Variants in PGRMC1 observed in about 807,000 individuals in gnomAD.
PGRMC1 encodes membrane-associated progesterone receptor component 1.
For synonymous variants in PGRMC1, 73 were observed against 77.3 expected, an observed-to-expected ratio of 0.94 and a Z score of 0.29; for missense variants, 145 against 169.0, an observed-to-expected ratio of 0.86 and a Z score of 0.79.
chrX:119,239,408 C>T (rs776248378), intron 1 of PGRMC1, among the ~76,000 whole-genome samples: 2 of 112,156 alleles, frequency 1.8e-5, no homozygotes, highest in Non-Finnish European at 3.8e-5. Context: ...AATGTCAGGG[C>T]TGCTATTCAA....
Position 119,243,362 on chromosome X carries a change from T to A in PGRMC1, c.*108T>A. ...ACAATATTTAGAAAGTTTTGAGCAC[T>A]TGCTATAAGTTTTTTAATTAACATC... On this transcript the variant is annotated 3_prime_UTR_variant, in exon 3 of 3. Coordinates refer to ENST00000217971, the MANE Select transcript of PGRMC1 (RefSeq NM_006667.5). 1 of 527,542 alleles carries A rather than the reference T, an allele frequency of 1.9e-6. No individual in the cohort carries two copies. The highest frequency in any genetic ancestry group is 3.4e-6 in the Non-Finnish European group (1 of 295,393). 43.5% of individuals were successfully genotyped at this position (527,542 alleles called of 1,213,427 possible).
chrX:119,242,410 AC>A (rs1348215371), intron 2 of PGRMC1, among the ~76,000 whole-genome samples: 2 of 110,479 alleles, frequency 1.8e-5, no homozygotes, highest in African/African-American at 3.3e-5. Context: ...TCCCCTGGAC[AC>A]CACCCTGCTC....
At position 119,243,637 on chromosome X, in the gene PGRMC1, A is replaced by G. The variant is rs1452416531; in HGVS notation, c.*383A>G. On this transcript the variant is annotated 3_prime_UTR_variant, in exon 3 of 3. Coordinates refer to ENST00000217971, the MANE Select transcript of PGRMC1 (RefSeq NM_006667.5). Reference sequence around the variant, plus strand: ...TCAACTTTTAGTCATGATGTTCTGTAAAGACAACAAATCCCTTTTTTTTTC... The same window carrying G: ...TCAACTTTTAGTCATGATGTTCTGTGAAGACAACAAATCCCTTTTTTTTTC... 7 of 188,361 alleles carry G rather than the reference A, an allele frequency of 3.7e-5. No individual in the cohort carries two copies. Among genetic ancestry groups the G allele is most frequent in the African/African-American group, 2.1e-4 (7 of 33,000 alleles). 15.5% of individuals were successfully genotyped at this position (188,361 alleles called of 1,213,427 possible). A position where few individuals can be genotyped will look rare whatever the true frequency, so the allele number is the denominator to read the frequency against.
chrX:119,237,120 G>C (rs916729670), intron 1 of PGRMC1, among the ~76,000 whole-genome samples: 3 of 110,790 alleles, frequency 2.7e-5, no homozygotes, highest in Non-Finnish European at 5.7e-5. Context: ...GGAAGGAAAT[G>C]AGGGTGTTCC....
intron 1 of PGRMC1, among the ~76,000 whole-genome samples, chrX:119,238,608 A>G (rs1320513764): frequency 1.8e-5 from 2 of 112,376 alleles, no homozygotes; most frequent in Non-Finnish European, 3.8e-5. Context: ...ACTGGGAGTC[A>G]GGCAACCTGC....
Position 119,243,231 on chromosome X carries a change from G to A in PGRMC1, c.565G>A (p.Glu189Lys), listed in dbSNP as rs373959887. 1.6e-5 allele frequency: 19 copies of A among 1,187,409 alleles called. No homozygotes were observed. The highest frequency in any genetic ancestry group is 2.1e-5 in the Non-Finnish European group (18 of 874,119). Residue 189 changes from glutamate (E) to lysine (K), a missense_variant, in exon 3 of 3, where the codon GAG (glutamate) becomes AAG (lysine). Physicochemically the swap from Glu to Lys is moderately conservative, Grantham distance 56. Transcript: ENST00000217971. Reference sequence around the variant, plus strand: ...CTCAGATGAGGAAGAACCAAAAGATGAGAGTGCCCGGAAAAATGATTAAAG... The same window carrying A: ...CTCAGATGAGGAAGAACCAAAAGATAAGAGTGCCCGGAAAAATGATTAAAG... Reference protein sequence around the residue: ...VYSDEEEPKDESARKND With the variant: ...VYSDEEEPKDKSARKND
intron 2 of PGRMC1, 57 bp downstream of exon 2, chrX:119,240,521 G>A: frequency 1.0e-6 from 1 of 1,003,915 alleles, no homozygotes; most frequent in East Asian, 3.0e-5. Context: ...GGGGATTCGT[G>A]GCAGGACAAT....
At chrX:119,241,270 T>G (rs1427227646) in intron 2 of PGRMC1, among the ~76,000 whole-genome samples, 1 of 112,453 alleles carries the variant, frequency 8.9e-6, no homozygotes, top group Non-Finnish European at 1.9e-5. Flanking sequence ...TATTACATGT[T>G]CTCTTGGCTA....
intron 1 of PGRMC1, among the ~76,000 whole-genome samples, chrX:119,238,753 A>G (rs753446793): frequency 2.7e-5 from 3 of 112,194 alleles, no homozygotes; most frequent in Non-Finnish European, 5.6e-5. Context: ...TTGCACTGTC[A>G]TTCAGTGAGC....
chrX:119,240,259 G>A, intron 1 of PGRMC1, 50 bp from the exon 2 acceptor site: 1 of 1,154,481 alleles, frequency 8.7e-7, no homozygotes, highest in Non-Finnish European at 1.2e-6. Context: ...ATAAATCACA[G>A]AGAAATTGAC....
chrX:119,243,514 A>G lies in PGRMC1; in HGVS notation c.*260A>G. The stretch of plus-strand genomic sequence containing the variant: ...TGTTTTTCTTCTATCTGTAGTTAGT[A>G]CAGGATGAATTTAAATGTGTTTTTC... On this transcript the variant is annotated 3_prime_UTR_variant, in exon 3 of 3. Transcript: ENST00000217971. 1 of 337,527 alleles carries G rather than the reference A, an allele frequency of 3.0e-6. No individual in the cohort carries two copies. The highest frequency in any genetic ancestry group is 5.2e-6 in the Non-Finnish European group (1 of 192,083). The allele number at this position is 337,527 out of a possible 1,213,427, so 27.8% of individuals were successfully genotyped here. A position where few individuals can be genotyped will look rare whatever the true frequency, so the allele number is the denominator to read the frequency against.
intron 2 of PGRMC1, among the ~76,000 whole-genome samples, chrX:119,240,901 A>AT (rs775258085): frequency 4.6e-4 from 52 of 112,135 alleles, no homozygotes; most frequent in Non-Finnish European, 7.9e-4. Flanking sequence ...TTTGAATCTA[A>AT]TTGAACCTAA....
At chrX:119,242,455 T>G (rs2499042) in intron 2 of PGRMC1, among the ~76,000 whole-genome samples, 5,332 of 111,239 alleles carry the variant, frequency 0.048, 331 homozygotes, top group African/African-American at 0.16. Context: ...GGATCTGCAC[T>G]CTGCCTCTGG....
In PGRMC1 at chrX:119,238,762, G is replaced by A. The variant is rs144100035; in HGVS notation, c.329-1547G>A. On this transcript the variant is annotated intron_variant, in intron 1 of 2. Transcript: ENST00000217971. ...TCTATCTTGCACTGTCATTCAGTGA[G>A]CCCATGACTACGTGACATCTTGGTA... 1.7e-3 allele frequency among the ~76,000 whole-genome samples: 195 copies of A among 112,158 alleles called. 1 individual carries two copies. The highest frequency in any genetic ancestry group is 3.1e-3 in the Non-Finnish European group (163 of 53,225).
Position 119,236,291 on chromosome X carries a change from TCGCTCA to T in PGRMC1, c.-72_-67del. 9.8e-7 allele frequency: 1 copy of T among 1,024,600 alleles called. No individual in the cohort carries two copies. 84.4% of individuals were successfully genotyped at this position (1,024,600 alleles called of 1,213,427 possible). ...CCGCCGAACCCCGCGCGCCACTCGC[TCGCTCA>T]GAGGGAGGAGAAAGTGGCGAGTTCC... is the stretch of plus-strand genomic sequence containing the variant. On this transcript the variant is annotated 5_prime_UTR_variant, in exon 1 of 3. Coordinates refer to ENST00000217971, the MANE Select transcript of PGRMC1 (RefSeq NM_006667.5).
At position 119,237,017 on chromosome X, in the gene PGRMC1, G is replaced by A. The variant is rs189165004; in HGVS notation, c.328+326G>A. 2.7e-5 allele frequency among the ~76,000 whole-genome samples: 3 copies of A among 111,801 alleles called. No individual in the cohort carries two copies. In the East Asian group the frequency reaches 8.5e-4, roughly 32 times the overall value. ...ACCACGAAGCTCGAAGGCGTTGAGG[G>A]GGGACACATCAAAGCCCAGGCTGTT... On this transcript the variant is annotated intron_variant, in intron 1 of 2. Transcript: ENST00000217971.
At position 119,236,303 on chromosome X, in the gene PGRMC1, A is replaced by G; in HGVS notation, c.-61A>G. On this transcript the variant is annotated 5_prime_UTR_variant, in exon 1 of 3. Transcript: ENST00000217971. ...GCGCGCCACTCGCTCGCTCAGAGGG[A>G]GGAGAAAGTGGCGAGTTCCGGATCC... The G allele has an allele frequency of 9.6e-7, 1 of 1,046,339 alleles. No individual in the cohort carries two copies. Among genetic ancestry groups the G allele is most frequent in the Non-Finnish European group, 1.3e-6 (1 of 754,077 alleles). 86.2% of individuals were successfully genotyped at this position (1,046,339 alleles called of 1,213,427 possible).
chrX:119,242,470 C>T (rs1045656489), intron 2 of PGRMC1, among the ~76,000 whole-genome samples: 1 of 111,462 alleles, frequency 9.0e-6, no homozygotes, highest in Non-Finnish European at 1.9e-5. Context: ...CTCTGGATCG[C>T]CCTGTTCCCA....
intron 1 of PGRMC1, among the ~76,000 whole-genome samples, chrX:119,237,049 G>T (rs978058192): frequency 9.0e-5 from 10 of 111,360 alleles, no homozygotes; most frequent in South Asian, 3.9e-4. Context: ...TGTTGGGGTA[G>T]TTTTCGAAGG....
Sources: gnomAD v4.1 joint callset for allele counts (sites outside exome capture counted in the v4.1 genomes callset) on GRCh38, gnomAD v4.1.1 for gene constraint, MANE v1.5 for transcripts, NCBI Gene and HGNC (gene_info 2026-07-23, HGNC 2026-07-21) for gene names.